The following FRMD5 variants were observed in gnomAD, a reference collection of about 807,000 sequenced individuals.
FRMD5 encodes the protein FERM domain containing 5, also known as FERM domain-containing protein 5.
Under a neutral mutation model 69.0 loss-of-function variants are expected in FRMD5, and 20 were observed. The ratio of observed to expected loss-of-function variants is 0.29; its 90% confidence interval spans 0.20 to 0.42. FRMD5 has a LOEUF of 0.42. Among genes scored for constraint, FRMD5 ranks in the 10% least tolerant of loss-of-function variants. The pLI is 1.00. For synonymous variants in FRMD5, 271 were observed against 260.1 expected, an observed-to-expected ratio of 1.04 and a Z score of -0.40; for missense variants, 595 against 708.6, an observed-to-expected ratio of 0.84 and a Z score of 1.82.
intron 1 of FRMD5, among the ~76,000 whole-genome samples, chr15:43,957,599 T>C (rs1428457214): frequency 6.6e-6 from 1 of 152,270 alleles, no homozygotes; most frequent in East Asian, 1.9e-4. Flanking sequence ...CTGTTCTGTA[T>C]TAGCCTCTCA....
chr15:43,952,838 C>A (rs570784483), intron 1 of FRMD5, among the ~76,000 whole-genome samples: 2 of 152,278 alleles, frequency 1.3e-5, no homozygotes, highest in African/African-American at 4.8e-5. Flanking sequence ...GAGGCAGATG[C>A]AGATGAAAAA....
chr15:44,148,828 T>C (rs1342698010), intron 1 of FRMD5, among the ~76,000 whole-genome samples: 1 of 152,236 alleles, frequency 6.6e-6, no homozygotes, highest in Non-Finnish European at 1.5e-5. Flanking sequence ...ATTTGCTTTA[T>C]TTCAGTGGTT....
intron 1 of FRMD5, among the ~76,000 whole-genome samples, chr15:44,134,145 G>T (rs570124761): frequency 1.3e-4 from 20 of 149,144 alleles, no homozygotes; most frequent in Non-Finnish European, 2.7e-4. Context: ...TTGAGACAGG[G>T]TCTCACTCTG....
At chr15:44,054,203 C>G (rs1057231729) in intron 1 of FRMD5, among the ~76,000 whole-genome samples, 3 of 152,190 alleles carry the variant, frequency 2.0e-5, no homozygotes, top group African/African-American at 7.2e-5. Flanking sequence ...AATAACATGA[C>G]AAACAGTGTT....
At chr15:43,894,032 G>A (rs1444513703) in intron 7 of FRMD5, among the ~76,000 whole-genome samples, 2 of 152,202 alleles carry the variant, frequency 1.3e-5, no homozygotes, top group Admixed American at 6.5e-5. Flanking sequence ...AATGTCATGG[G>A]CAGAACAAAA....
intron 1 of FRMD5, among the ~76,000 whole-genome samples, chr15:43,933,952 T>C (rs749770032): frequency 3.9e-4 from 59 of 152,218 alleles, no homozygotes; most frequent in Non-Finnish European, 7.5e-4. Flanking sequence ...AGGGAGTCTG[T>C]TCCAGAACAT....
In FRMD5 at chr15:44,113,768, A is replaced by C. The variant is rs115879696; in HGVS notation, c.102+81185T>G. ...CTAGCTTTTTGACCTTGAAAAAGTC[A>C]CTTATATTCTCTGATCATCAGTTTC... On this transcript the variant is annotated intron_variant, in intron 1 of 13. Transcript: ENST00000417257. Among the ~76,000 whole-genome samples the C allele has an allele frequency of 2.9e-3, 439 of 152,264 alleles. 1 individual carries two copies. The highest frequency in any genetic ancestry group is 0.01 in the African/African-American group (420 of 41,538).
chr15:43,990,887 C>T (rs1889642592), intron 1 of FRMD5, among the ~76,000 whole-genome samples: 1 of 152,154 alleles, frequency 6.6e-6, no homozygotes, highest in African/African-American at 2.4e-5. Flanking sequence ...ACCGACTAGT[C>T]ATTATACATC....
intron 1 of FRMD5, among the ~76,000 whole-genome samples, chr15:44,173,677 A>G (rs1237846670): frequency 6.6e-6 from 1 of 151,632 alleles, no homozygotes; most frequent in Non-Finnish European, 1.5e-5. Context: ...TGCCTGGCTA[A>G]TTTTTTTTGT....
chr15:44,038,999 G>A (rs892689992), intron 1 of FRMD5, among the ~76,000 whole-genome samples: 1 of 152,144 alleles, frequency 6.6e-6, no homozygotes, highest in East Asian at 1.9e-4. Context: ...AGCTTTGTAG[G>A]GGGAGGGGCA....
chr15:44,011,157 C>CTTTTCT (rs1890700634), intron 1 of FRMD5, among the ~76,000 whole-genome samples: 1 of 84,422 alleles, frequency 1.2e-5, no homozygotes, highest in East Asian at 4.3e-4. Flanking sequence ...AAGTAGGCTT[C>CTTTTCT]TTTTCTTTTT....
intron 1 of FRMD5, among the ~76,000 whole-genome samples, chr15:44,063,279 T>C (rs1273802712): frequency 1.3e-5 from 2 of 152,238 alleles, no homozygotes; most frequent in Non-Finnish European, 2.9e-5. Context: ...GTTATCTTTT[T>C]CTTCCTGGGT....
At chr15:43,914,616 G>A (rs1166225447) in intron 4 of FRMD5, among the ~76,000 whole-genome samples, 1 of 151,790 alleles carries the variant, frequency 6.6e-6, no homozygotes, top group African/African-American at 2.4e-5. Flanking sequence ...TGGGGGAGAT[G>A]GCAAAATAAT....
At chr15:43,966,384 A>G (rs1435603292) in intron 1 of FRMD5, among the ~76,000 whole-genome samples, 1 of 151,866 alleles carries the variant, frequency 6.6e-6, no homozygotes, top group East Asian at 1.9e-4. Context: ...TAAAAAAACA[A>G]AACAAACAAA....
At position 44,042,585 on chromosome 15, in the gene FRMD5, C is replaced by T. The variant is rs1021289891; in HGVS notation, c.103-118276G>A. ...CATCAAAAAGCTTATCCACCACGATCAAGTCAGCTTCATCCCTGGGATGCA... is the reference window on the plus strand; with the variant it reads ...CATCAAAAAGCTTATCCACCACGATTAAGTCAGCTTCATCCCTGGGATGCA... On this transcript the variant is annotated intron_variant, in intron 1 of 13. Coordinates refer to ENST00000417257, the MANE Select transcript of FRMD5 (RefSeq NM_032892.5). Among the ~76,000 whole-genome samples, 43 of 152,308 alleles carry T rather than the reference C, an allele frequency of 2.8e-4. 1 individual carries two copies. Among genetic ancestry groups the T allele is most frequent in the African/African-American group, 1.0e-3 (43 of 41,574 alleles).
chr15:44,193,165 A>C (rs140742875), intron 1 of FRMD5, among the ~76,000 whole-genome samples: 1 of 152,316 alleles, frequency 6.6e-6, no homozygotes, highest in East Asian at 1.9e-4. Flanking sequence ...GTTAACAATC[A>C]TTTCTAGCGA....
intron 1 of FRMD5, among the ~76,000 whole-genome samples, chr15:44,088,385 T>G (rs1894293655): frequency 6.6e-6 from 1 of 152,170 alleles, no homozygotes; most frequent in Non-Finnish European, 1.5e-5. Context: ...TCTGAACATT[T>G]AATATAAACA....
At chr15:43,941,954 C>T (rs1170235706) in intron 1 of FRMD5, among the ~76,000 whole-genome samples, 2 of 152,214 alleles carry the variant, frequency 1.3e-5, no homozygotes, top group Non-Finnish European at 2.9e-5. Flanking sequence ...AAGAGAATTA[C>T]TGATGCTCAT....
At chr15:44,192,660 T>G (rs1198545988) in intron 1 of FRMD5, among the ~76,000 whole-genome samples, 1 of 152,166 alleles carries the variant, frequency 6.6e-6, no homozygotes, top group Non-Finnish European at 1.5e-5. Context: ...TTCTAAATGT[T>G]CAAAAAAGCT....
Sources: gnomAD v4.1 joint callset for allele counts (sites outside exome capture counted in the v4.1 genomes callset) on GRCh38, gnomAD v4.1.1 for gene constraint, MANE v1.5 for transcripts, NCBI Gene and HGNC (gene_info 2026-07-23, HGNC 2026-07-21) for gene names.